Variants in ASIC2 observed in about 807,000 individuals in gnomAD.
ASIC2 encodes acid-sensing ion channel 2.
Under a neutral mutation model 57.3 loss-of-function variants are expected in ASIC2, and 25 were observed. That is an observed-to-expected ratio of 0.44 (90% CI 0.32 to 0.61). The LOEUF is 0.61. Among genes scored for constraint, ASIC2 ranks in the 20% least tolerant of loss-of-function variants. ASIC2 has a pLI of 0.06. For missense variants in ASIC2, 641 were observed against 738.1 expected, an observed-to-expected ratio of 0.87 and a Z score of 1.52; for synonymous variants, 319 against 307.5, an observed-to-expected ratio of 1.04 and a Z score of -0.39.
chr17:33,202,429 AG>A (rs1906903669), intron 1 of ASIC2, among the ~76,000 whole-genome samples: 2 of 152,152 alleles, frequency 1.3e-5, no homozygotes, highest in Middle Eastern at 6.4e-3. Context: ...ATTAAGTGTG[AG>A]ATGGGAAGCA....
rs142088881 is a variant in ASIC2 at position 33,025,653 on chromosome 17, C to T, written c.1195+273G>A. Among the ~76,000 whole-genome samples, 1,077 of 152,160 alleles carry T rather than the reference C, an allele frequency of 7.1e-3. 12 individuals are homozygous for T. The highest frequency in any genetic ancestry group is 0.037 in the Middle Eastern group (11 of 294). ...CCCTCTGTTTCCCCTGAAACCCACT[C>T]CTTCTCCATCTCCACCTTCCATATC... is the stretch of plus-strand genomic sequence containing the variant. On this transcript the variant is annotated intron_variant, in intron 5 of 9. Coordinates refer to ENST00000225823, the MANE Select transcript of ASIC2 (RefSeq NM_183377.2).
chr17:34,122,131 C>T (rs1206661180), intron 1 of ASIC2, among the ~76,000 whole-genome samples: 2 of 152,330 alleles, frequency 1.3e-5, no homozygotes, highest in Non-Finnish European at 2.9e-5. Context: ...CCTTTTAATA[C>T]TTATTTGTAT....
At chr17:33,499,157 T>C (rs1356299730) in intron 1 of ASIC2, among the ~76,000 whole-genome samples, 2 of 152,100 alleles carry the variant, frequency 1.3e-5, no homozygotes, top group Non-Finnish European at 2.9e-5. Context: ...GAAGTGGGGG[T>C]GTCTACATCT....
chr17:33,551,836 C>T (rs1915760926), intron 1 of ASIC2, among the ~76,000 whole-genome samples: 1 of 152,202 alleles, frequency 6.6e-6, no homozygotes, highest in Admixed American at 6.5e-5. Flanking sequence ...ACTCACCTCT[C>T]TAACCTCAGC....
At chr17:34,041,729 CTT>C (rs1429756465) in intron 1 of ASIC2, among the ~76,000 whole-genome samples, 1 of 152,176 alleles carries the variant, frequency 6.6e-6, no homozygotes, top group East Asian at 1.9e-4. Flanking sequence ...GAAACAAAGA[CTT>C]TTAATGCTTG....
intron 1 of ASIC2, among the ~76,000 whole-genome samples, chr17:33,898,921 T>G (rs1915168884): frequency 6.6e-6 from 1 of 152,170 alleles, no homozygotes; most frequent in Non-Finnish European, 1.5e-5. Context: ...ACTTCCAAAG[T>G]AAGTCACATG....
chr17:33,280,219 G>A (rs1462586872), intron 1 of ASIC2, among the ~76,000 whole-genome samples: 6 of 152,092 alleles, frequency 3.9e-5, no homozygotes, highest in African/African-American at 9.7e-5. Flanking sequence ...ATCCCCGGCC[G>A]GAATTATAAA....
intron 1 of ASIC2, among the ~76,000 whole-genome samples, chr17:33,310,970 A>G (rs1039420005): frequency 6.6e-6 from 1 of 152,176 alleles, no homozygotes; most frequent in African/African-American, 2.4e-5. Flanking sequence ...GCCTGATTTT[A>G]CAGCTTTGGT....
At chr17:33,436,853 C>CTTCTTTTTTTTTTTT (rs1356302162) in intron 1 of ASIC2, among the ~76,000 whole-genome samples, 1 of 66,596 alleles carries the variant, frequency 1.5e-5, no homozygotes, top group Non-Finnish European at 3.0e-5. Context: ...ATTCCAACTT[C>CTTCTTTTTTTTTTTT]TTTTTTTTTT....
chr17:33,566,569 G>C (rs1916239848), intron 1 of ASIC2, among the ~76,000 whole-genome samples: 1 of 152,182 alleles, frequency 6.6e-6, no homozygotes, highest in Non-Finnish European at 1.5e-5. Flanking sequence ...ACACAGACCT[G>C]GGAGAGCATG....
chr17:34,034,129 C>T (rs981138651), intron 1 of ASIC2, among the ~76,000 whole-genome samples: 17 of 152,216 alleles, frequency 1.1e-4, no homozygotes, highest in Admixed American at 2.0e-4. Flanking sequence ...ACTGGCAAAC[C>T]GAATCCAGCA....
chr17:34,064,797 A>G (rs950778691), intron 1 of ASIC2, among the ~76,000 whole-genome samples: 14 of 152,252 alleles, frequency 9.2e-5, no homozygotes, highest in Admixed American at 7.9e-4. Flanking sequence ...ATCACTAATG[A>G]TCAGGGAAAT....
At chr17:34,131,218 C>T (rs1163873728) in intron 1 of ASIC2, among the ~76,000 whole-genome samples, 1 of 152,020 alleles carries the variant, frequency 6.6e-6, no homozygotes, top group African/African-American at 2.4e-5. Flanking sequence ...CAATAGAGAG[C>T]CATTGATGGA....
chr17:33,953,743 G>A (rs1342448061), intron 1 of ASIC2, among the ~76,000 whole-genome samples: 9 of 152,338 alleles, frequency 5.9e-5, no homozygotes, highest in East Asian at 3.9e-4. Context: ...CTTCCTGAAT[G>A]AGGGGAGTGT....
intron 1 of ASIC2, among the ~76,000 whole-genome samples, chr17:33,909,989 C>T (rs942912219): frequency 6.6e-6 from 1 of 152,148 alleles, no homozygotes; most frequent in Non-Finnish European, 1.5e-5. Context: ...ACCTCAGTCT[C>T]TTCACCACTA....
intron 1 of ASIC2, among the ~76,000 whole-genome samples, chr17:33,773,933 T>C (rs987134483): frequency 6.6e-6 from 1 of 152,114 alleles, no homozygotes; most frequent in Non-Finnish European, 1.5e-5. Flanking sequence ...TCCCAAAGTG[T>C]TGGGATGTAC....
At chr17:33,377,850 G>T (rs1909337557) in intron 1 of ASIC2, among the ~76,000 whole-genome samples, 1 of 152,114 alleles carries the variant, frequency 6.6e-6, no homozygotes, top group East Asian at 1.9e-4. Context: ...GCCCCTTTTT[G>T]GGCCTCAATG....
At chr17:33,453,551 G>A (rs1041474469) in intron 1 of ASIC2, among the ~76,000 whole-genome samples, 2 of 152,030 alleles carry the variant, frequency 1.3e-5, no homozygotes, top group Non-Finnish European at 2.9e-5. Flanking sequence ...TCCCATGAAG[G>A]TTTTACAATT....
chr17:33,590,055 T>C (rs968048542), intron 1 of ASIC2, among the ~76,000 whole-genome samples: 2 of 152,142 alleles, frequency 1.3e-5, no homozygotes, highest in Admixed American at 1.3e-4. Flanking sequence ...GCATGCTGTG[T>C]CCCACTGTGG....
Sources: gnomAD v4.1 joint callset for allele counts (sites outside exome capture counted in the v4.1 genomes callset) on GRCh38, gnomAD v4.1.1 for gene constraint, MANE v1.5 for transcripts, NCBI Gene and HGNC (gene_info 2026-07-23, HGNC 2026-07-21) for gene names.